Variants in SFMBT2 observed in about 807,000 individuals in gnomAD.
The protein encoded by SFMBT2 is scm-like with four MBT domains protein 2.
SFMBT2 carries 38 observed loss-of-function variants against 110.1 expected under a neutral mutation model. The observed-to-expected ratio is 0.35, with a 90% CI of 0.27 to 0.45. The LOEUF (loss-of-function observed/expected upper bound fraction) is 0.45. Among genes scored for constraint, SFMBT2 ranks in the 20% least tolerant of loss-of-function variants. The pLI is 1.00. For missense variants in SFMBT2, 1,011 were observed against 1,094.9 expected (o/e 0.92, Z 1.08); for synonymous variants, 425 against 425.4 (o/e 1.00, Z 0.01).
intron 15 of SFMBT2, among the ~76,000 whole-genome samples, chr10:7,189,996 A>C (rs1030923556): frequency 6.6e-6 from 1 of 152,228 alleles, no homozygotes; most frequent in Admixed American, 6.5e-5. Context: ...GATTTATTTG[A>C]AAACAACAAA....
intron 11 of SFMBT2, among the ~76,000 whole-genome samples, chr10:7,210,245 A>G (rs1839295854): frequency 6.6e-6 from 1 of 152,196 alleles, no homozygotes; most frequent in African/African-American, 2.4e-5. Context: ...CCAGAGCCCC[A>G]GGATGAAAAA....
intron 17 of SFMBT2, among the ~76,000 whole-genome samples, chr10:7,175,744 T>C (rs930544393): frequency 8.7e-6 from 1 of 114,418 alleles, no homozygotes; most frequent in Non-Finnish European, 2.2e-5. Context: ...GTTCCTCTTC[T>C]TCTTTTCCAA....
chr10:7,402,142 A>C (rs987620514), intron 1 of SFMBT2, among the ~76,000 whole-genome samples: 4 of 152,104 alleles, frequency 2.6e-5, no homozygotes, highest in African/African-American at 9.6e-5. Context: ...ACCTGGAAAG[A>C]AATGTCCTTT....
intron 1 of SFMBT2, among the ~76,000 whole-genome samples, chr10:7,410,391 G>A (rs955653694): frequency 3.3e-5 from 5 of 152,252 alleles, no homozygotes; most frequent in African/African-American, 1.2e-4. Flanking sequence ...CAGCGCGGAG[G>A]AGACGCGGGA....
chr10:7,262,684 A>T (rs1463596680), intron 7 of SFMBT2, among the ~76,000 whole-genome samples: 5 of 152,228 alleles, frequency 3.3e-5, no homozygotes. Flanking sequence ...AGCGGAGCTC[A>T]GGCCCCAGTG....
intron 16 of SFMBT2, among the ~76,000 whole-genome samples, chr10:7,180,984 G>C (rs1838229292): frequency 6.6e-6 from 1 of 152,102 alleles, no homozygotes; most frequent in Non-Finnish European, 1.5e-5. Flanking sequence ...GCAGGCCTGA[G>C]CCACTCCCGT....
intron 20 of SFMBT2, among the ~76,000 whole-genome samples, chr10:7,166,370 AATCACCACTGACT>A (rs1837693790): frequency 6.6e-6 from 1 of 152,222 alleles, no homozygotes; most frequent in African/African-American, 2.4e-5. Flanking sequence ...ATGGTGATTC[AATCACCACTGACT>A]ATCAGCACGA....
chr10:7,280,944 A>C (rs1035258204), intron 6 of SFMBT2, among the ~76,000 whole-genome samples: 18 of 152,170 alleles, frequency 1.2e-4, no homozygotes, highest in Admixed American at 9.2e-4. Context: ...TGTACCCTTT[A>C]AAGAGTAAAA....
At chr10:7,394,024 A>G (rs879118910) in intron 1 of SFMBT2, among the ~76,000 whole-genome samples, 1 of 152,010 alleles carries the variant, frequency 6.6e-6, no homozygotes, top group Admixed American at 6.6e-5. Flanking sequence ...TTAATTTGAG[A>G]AAGGGTCTCA....
chr10:7,336,372 T>C (rs961628244), intron 4 of SFMBT2, among the ~76,000 whole-genome samples: 2 of 152,206 alleles, frequency 1.3e-5, no homozygotes, highest in Admixed American at 6.5e-5. Context: ...TGGGTCTTCA[T>C]GGCAGAGCCA....
chr10:7,236,135 T>A (rs543534185), intron 9 of SFMBT2, among the ~76,000 whole-genome samples: 2 of 151,392 alleles, frequency 1.3e-5, no homozygotes, highest in East Asian at 1.9e-4. Flanking sequence ...TGAAAAGAAA[T>A]CCCATTCACC....
intron 7 of SFMBT2, among the ~76,000 whole-genome samples, chr10:7,259,402 A>T (rs1480707864): frequency 6.6e-6 from 1 of 152,140 alleles, no homozygotes; most frequent in Non-Finnish European, 1.5e-5. Context: ...TCCATCAACC[A>T]CTTCCAGGTG....
intron 1 of SFMBT2, among the ~76,000 whole-genome samples, 166 bp downstream of exon 1, chr10:7,410,695 C>T (rs1269645610): frequency 3.3e-5 from 5 of 151,958 alleles, no homozygotes; most frequent in Admixed American, 1.3e-4. Context: ...CTTCCCCCAC[C>T]CGCCACCTCC....
At chr10:7,262,600 C>T (rs1205741959) in intron 7 of SFMBT2, among the ~76,000 whole-genome samples, 5 of 152,176 alleles carry the variant, frequency 3.3e-5, no homozygotes, top group Non-Finnish European at 7.3e-5. Flanking sequence ...GAGCAGATAA[C>T]TGAAAGTTGA....
chr10:7,215,478 A>G (rs1229796367), intron 11 of SFMBT2: 24 of 834,324 alleles, frequency 2.9e-5, no homozygotes, highest in Non-Finnish European at 3.5e-5. Context: ...ATCTCCATAG[A>G]TTAATTAATG....
chr10:7,370,539 G>T (rs533154461), intron 2 of SFMBT2, among the ~76,000 whole-genome samples, 164 bp from the exon 3 acceptor site: 2 of 152,332 alleles, frequency 1.3e-5, no homozygotes, highest in African/African-American at 2.4e-5. Context: ...GCTGATTTTA[G>T]AAGTGTTGAC....
At chr10:7,272,790 C>G (rs762274457) in intron 7 of SFMBT2, among the ~76,000 whole-genome samples, 1 of 152,114 alleles carries the variant, frequency 6.6e-6, no homozygotes, top group Admixed American at 6.5e-5. Context: ...TCTAATCCCC[C>G]CTACCCTCTT....
intron 16 of SFMBT2, among the ~76,000 whole-genome samples, chr10:7,186,473 T>TATATAA (rs1421963724): frequency 4.7e-5 from 7 of 148,198 alleles, no homozygotes; most frequent in African/African-American, 1.5e-4. Flanking sequence ...TATATATATA[T>TATATAA]AAAAATATTT....
chr10:7,381,428 T>C (rs930005988), intron 2 of SFMBT2, among the ~76,000 whole-genome samples: 10 of 152,176 alleles, frequency 6.6e-5, no homozygotes, highest in African/African-American at 2.2e-4. Flanking sequence ...CATTTGTCTC[T>C]TGCGAGCCAG....
Sources: gnomAD v4.1 joint callset for allele counts (sites outside exome capture counted in the v4.1 genomes callset) on GRCh38, gnomAD v4.1.1 for gene constraint, MANE v1.5 for transcripts, NCBI Gene and HGNC (gene_info 2026-07-23, HGNC 2026-07-21) for gene names.